PKHD1: variants seen among roughly 807,000 people sequenced by gnomAD.
PKHD1 encodes the protein PKHD1 ciliary IPT domain containing fibrocystin/polyductin, also known as fibrocystin.
PKHD1 carries 291 observed loss-of-function variants against 412.0 expected under a neutral mutation model. The observed-to-expected ratio is 0.71, with a 90% CI of 0.64 to 0.78. The LOEUF is 0.78. Among genes scored for constraint, PKHD1 ranks in the 30% least tolerant of loss-of-function variants. The pLI is 0.00. For missense variants in PKHD1, 4,825 were observed against 4,950.7 expected, an observed-to-expected ratio of 0.97 and a Z score of 0.76; for synonymous variants, 1,777 against 1,821.5, an observed-to-expected ratio of 0.98 and a Z score of 0.62.
chr6:51,881,077 T>TTC (rs1554286674), intron 46 of PKHD1, among the ~76,000 whole-genome samples: 1 of 61,378 alleles, frequency 1.6e-5, no homozygotes, highest in South Asian at 4.6e-4. Flanking sequence ...TTTTCTTTCT[T>TTC]TTTTTTTTTT....
chr6:51,909,515 G>C, intron 39 of PKHD1, 41 bp from the exon 40 acceptor site: 12 of 1,459,426 alleles, frequency 8.2e-6, no homozygotes, highest in African/African-American at 1.4e-5. Context: ...AAAGCATGTA[G>C]AACATGCTTC....
At chr6:51,711,189 G>T (rs1780619012) in intron 60 of PKHD1, among the ~76,000 whole-genome samples, 1 of 152,044 alleles carries the variant, frequency 6.6e-6, no homozygotes, top group East Asian at 1.9e-4. Context: ...TTTTCCCATG[G>T]GCAGTGTTGG....
intron 53 of PKHD1, among the ~76,000 whole-genome samples, chr6:51,778,981 G>C (rs1742013923): frequency 6.6e-6 from 1 of 152,026 alleles, no homozygotes; most frequent in South Asian, 2.1e-4. Context: ...ATTCCTAAAA[G>C]CCTTCTATGA....
intron 37 of PKHD1, among the ~76,000 whole-genome samples, chr6:51,915,455 T>G (rs1014607617): frequency 6.6e-6 from 1 of 152,122 alleles, no homozygotes; most frequent in Admixed American, 6.6e-5. Context: ...CCTATGTTCA[T>G]TCACCGTCAC....
At chr6:51,752,788 T>C (rs748313918) in intron 57 of PKHD1, among the ~76,000 whole-genome samples, 1 of 152,202 alleles carries the variant, frequency 6.6e-6, no homozygotes, top group Non-Finnish European at 1.5e-5. Flanking sequence ...GTCTGAAATA[T>C]GGAAATCATT....
At chr6:51,627,515 G>T (rs140045475) in intron 65 of PKHD1, among the ~76,000 whole-genome samples, 2,657 of 151,974 alleles carry the variant, frequency 0.017, 38 homozygotes, top group Non-Finnish European at 0.027. Flanking sequence ...AATTACATAT[G>T]TGCCTTGCAT....
At position 52,043,149 on chromosome 6, in the gene PKHD1, G is replaced by T; in HGVS notation, c.2822-15C>A. The T allele has an allele frequency of 6.3e-7, 1 of 1,597,708 alleles. No homozygotes were observed. Among genetic ancestry groups the T allele is most frequent in the South Asian group, 1.1e-5 (1 of 90,228 alleles). The stretch of plus-strand genomic sequence containing the variant: ...GATGTCACCATCTTAAAGGAGAAAA[G>T]AAATTAAAAAACAAATAAAATAATC... On this transcript the variant is annotated splice_polypyrimidine_tract_variant and intron_variant, in intron 26 of 66. Transcript: ENST00000371117.
intron 23 of PKHD1, among the ~76,000 whole-genome samples, chr6:52,047,873 A>G (rs1158547623): frequency 6.6e-6 from 1 of 152,270 alleles, no homozygotes; most frequent in Non-Finnish European, 1.5e-5. Context: ...TATAAAGCAA[A>G]ATAATAAACT....
At chr6:51,680,935 G>T (rs1191146943) in intron 60 of PKHD1, among the ~76,000 whole-genome samples, 2 of 151,910 alleles carry the variant, frequency 1.3e-5, no homozygotes, top group East Asian at 3.9e-4. Flanking sequence ...ACCAGTAGGG[G>T]GACAGAATAA....
chr6:51,722,129 AC>A, intron 60 of PKHD1: 1 of 1,566,892 alleles, frequency 6.4e-7, no homozygotes, highest in Non-Finnish European at 8.7e-7. Context: ...AAATGAAAAT[AC>A]CCCACACCTT....
Position 51,619,007 on chromosome 6 carries a change from C to T in PKHD1, c.*74G>A, listed in dbSNP as rs1340120458. 5.0e-5 allele frequency: 69 copies of T among 1,371,740 alleles called. No homozygotes were observed. Among genetic ancestry groups the T allele is most frequent in the Non-Finnish European group, 6.6e-5 (63 of 961,106 alleles). The allele number at this position is 1,371,740 out of a possible 1,614,324, so 85.0% of individuals were successfully genotyped here. A position where few individuals can be genotyped will look rare whatever the true frequency, so the allele number is the denominator to read the frequency against. On this transcript the variant is annotated 3_prime_UTR_variant, in exon 67 of 67. Coordinates refer to ENST00000371117, the MANE Select transcript of PKHD1 (RefSeq NM_138694.4). ...TTAGTTGTCCCAGCAGGACAGTCCTCACTTCCCCAGCTTATTATCCAGAAA... is the reference window on the plus strand; with the variant it reads ...TTAGTTGTCCCAGCAGGACAGTCCTTACTTCCCCAGCTTATTATCCAGAAA...
chr6:51,817,167 AT>A (rs1765598424), intron 52 of PKHD1, among the ~76,000 whole-genome samples: 1 of 151,418 alleles, frequency 6.6e-6, no homozygotes, highest in Non-Finnish European at 1.5e-5. Flanking sequence ...TTTTTTTCCC[AT>A]TTTTCTCTAG....
chr6:51,623,035 T>G (rs1466280382), intron 66 of PKHD1, among the ~76,000 whole-genome samples: 1 of 152,160 alleles, frequency 6.6e-6, no homozygotes, highest in Non-Finnish European at 1.5e-5. Flanking sequence ...AATAGTGACA[T>G]AAATATTATT....
chr6:51,632,522 T>C, intron 65 of PKHD1, 43 bp downstream of exon 65: 1 of 1,550,030 alleles, frequency 6.5e-7, no homozygotes, highest in Non-Finnish European at 8.9e-7. Flanking sequence ...GATGACTTTT[T>C]TTTCAGAAAT....
At chr6:51,784,227 G>A (rs1792497528) in intron 53 of PKHD1, among the ~76,000 whole-genome samples, 2 of 151,842 alleles carry the variant, frequency 1.3e-5, no homozygotes, top group South Asian at 4.2e-4. Flanking sequence ...ATGGAGACAG[G>A]AGAGGCTTCA....
chr6:51,632,630 G>A lies in PKHD1; in HGVS notation c.11600C>T (p.Ser3867Phe), dbSNP rs967514878. Residue 3867 changes from serine (S) to phenylalanine (F), a missense_variant, in exon 65 of 67, where the codon TCT becomes TTT. Ser to Phe is a radical substitution (Grantham distance 155). Transcript: ENST00000371117. ...GCTCAGAGCCAGCCATGAGGCCACA[G>A]AGGACAGGGAAGCAGCCAGGATGAT... ...STIILAASLS[S>F]VASWLALSCL... 1 of 1,613,340 alleles carries A rather than the reference G, an allele frequency of 6.2e-7. No homozygotes were observed. The highest frequency in any genetic ancestry group is 1.3e-5 in the African/African-American group (1 of 74,824).
intron 36 of PKHD1, among the ~76,000 whole-genome samples, chr6:51,959,298 G>A (rs146979280): frequency 1.6e-4 from 25 of 152,238 alleles, no homozygotes; most frequent in African/African-American, 6.0e-4. Flanking sequence ...GGAAAGAAAT[G>A]CACAAAGAGG....
intron 40 of PKHD1, among the ~76,000 whole-genome samples, chr6:51,907,196 T>C (rs1782236744): frequency 6.6e-6 from 1 of 152,170 alleles, no homozygotes; most frequent in East Asian, 1.9e-4. Context: ...GGGAGCTTTG[T>C]ATTATTACTA....
intron 49 of PKHD1, among the ~76,000 whole-genome samples, chr6:51,849,846 T>C (rs977346875): frequency 2.9e-4 from 44 of 152,250 alleles, no homozygotes; most frequent in African/African-American, 1.0e-3. Context: ...TGTAGGTTGC[T>C]TGTTCACTCT....
Sources: gnomAD v4.1 joint callset for allele counts (sites outside exome capture counted in the v4.1 genomes callset) on GRCh38, gnomAD v4.1.1 for gene constraint, MANE v1.5 for transcripts, NCBI Gene and HGNC (gene_info 2026-07-23, HGNC 2026-07-21) for gene names.